The following CSMD1 variants were observed in gnomAD, a reference collection of about 807,000 sequenced individuals.
CSMD1 encodes CUB and Sushi multiple domains 1.
In CSMD1, 213 loss-of-function variants were observed where a neutral mutation model predicts 417.5. That is an observed-to-expected ratio of 0.51 (90% CI 0.46 to 0.57). The LOEUF (loss-of-function observed/expected upper bound fraction) is 0.57, where lower values mean the gene tolerates loss of function less well. CSMD1 is among the 20% of genes least tolerant of loss of function. The pLI, the probability that CSMD1 is intolerant of heterozygous loss-of-function variation, is 0.00. For missense variants in CSMD1, 6,923 were observed against 4,529.7 expected, an observed-to-expected ratio of 1.53 and a Z score of -15.17; for synonymous variants, 2,862 against 1,736.8, an observed-to-expected ratio of 1.65 and a Z score of -16.11.
intron 3 of CSMD1, among the ~76,000 whole-genome samples, chr8:4,074,565 G>C (rs926246246): frequency 6.6e-6 from 1 of 152,058 alleles, no homozygotes; most frequent in Non-Finnish European, 1.5e-5. Context: ...GGAAGTTAAA[G>C]GATCCGACAT....
chr8:3,979,605 T>C (rs538273734), intron 5 of CSMD1, among the ~76,000 whole-genome samples: 1 of 152,146 alleles, frequency 6.6e-6, no homozygotes, highest in East Asian at 1.9e-4. Context: ...GCCAACATGA[T>C]GAGATTATAA....
At chr8:4,299,308 G>A (rs572794306) in intron 3 of CSMD1, among the ~76,000 whole-genome samples, 2 of 152,104 alleles carry the variant, frequency 1.3e-5, no homozygotes, top group Non-Finnish European at 2.9e-5. Context: ...CACCCCCAGA[G>A]AACGCACTTT....
intron 6 of CSMD1, among the ~76,000 whole-genome samples, chr8:3,743,396 G>A (rs888292292): frequency 1.3e-5 from 2 of 152,204 alleles, no homozygotes; most frequent in African/African-American, 2.4e-5. Context: ...ACTGCATTGC[G>A]TGGAATAGTG....
At chr8:3,364,562 C>T (rs1809426505) in intron 20 of CSMD1, among the ~76,000 whole-genome samples, 1 of 152,090 alleles carries the variant, frequency 6.6e-6, no homozygotes, top group South Asian at 2.1e-4. Context: ...AGTGTGTTAC[C>T]CAAAATCCAT....
chr8:4,654,122 C>T (rs1037511863), intron 1 of CSMD1, among the ~76,000 whole-genome samples: 3 of 152,120 alleles, frequency 2.0e-5, no homozygotes, highest in African/African-American at 4.8e-5. Flanking sequence ...ATGTTACACT[C>T]CATGTATTTG....
At chr8:4,506,739 G>C (rs1409460706) in intron 2 of CSMD1, among the ~76,000 whole-genome samples, 1 of 152,090 alleles carries the variant, frequency 6.6e-6, no homozygotes, top group East Asian at 1.9e-4. Context: ...TGTTTCATCA[G>C]CTTATATATG....
chr8:4,474,917 A>G (rs373773837), intron 2 of CSMD1, among the ~76,000 whole-genome samples: 40 of 152,320 alleles, frequency 2.6e-4, no homozygotes, highest in African/African-American at 7.9e-4. Flanking sequence ...TACATATAAC[A>G]TACAAAATGT....
Position 3,288,019 on chromosome 8 carries a change from T to G in CSMD1, c.3951-3673A>C, listed in dbSNP as rs569834024. 1.2e-4 allele frequency among the ~76,000 whole-genome samples: 17 copies of G among 147,556 alleles called. 2 individuals are homozygous for G. The highest frequency in any genetic ancestry group is 3.4e-3 in the Middle Eastern group (1 of 292). Reference sequence around the variant, plus strand: ...TGAGAGTTTTTAGCATGAAAGGTTGTTGAATTTTGTCAAAGGCCTTTTCTG... The same window carrying G: ...TGAGAGTTTTTAGCATGAAAGGTTGGTGAATTTTGTCAAAGGCCTTTTCTG... On this transcript the variant is annotated intron_variant, in intron 25 of 69. Coordinates refer to ENST00000635120, the MANE Select transcript of CSMD1 (RefSeq NM_033225.6).
intron 2 of CSMD1, among the ~76,000 whole-genome samples, chr8:4,552,168 G>C (rs1234348959): frequency 6.6e-6 from 1 of 152,104 alleles, no homozygotes; most frequent in Admixed American, 6.6e-5. Flanking sequence ...AACATCATTT[G>C]TTTTTTAATC....
intron 10 of CSMD1, among the ~76,000 whole-genome samples, chr8:3,566,550 G>C (rs952928217): frequency 1.3e-5 from 2 of 151,214 alleles, no homozygotes; most frequent in Non-Finnish European, 2.9e-5. Flanking sequence ...TGTCCATAGA[G>C]GATGTGAAGG....
intron 5 of CSMD1, among the ~76,000 whole-genome samples, chr8:3,860,954 T>G (rs1804659836): frequency 6.6e-6 from 1 of 152,246 alleles, no homozygotes; most frequent in Non-Finnish European, 1.5e-5. Context: ...GTTGATATAC[T>G]TCATGCAAAA....
intron 25 of CSMD1, among the ~76,000 whole-genome samples, chr8:3,296,821 A>C (rs548788047): frequency 1.1e-3 from 168 of 152,268 alleles, no homozygotes; most frequent in African/African-American, 4.0e-3. Flanking sequence ...TGTTTATGGG[A>C]TGGGGAAAAT....
intron 5 of CSMD1, among the ~76,000 whole-genome samples, chr8:3,773,965 G>A (rs1798760078): frequency 6.6e-6 from 1 of 152,100 alleles, no homozygotes; most frequent in Non-Finnish European, 1.5e-5. Flanking sequence ...GCCTGTGCCT[G>A]GATTAACCCT....
At chr8:3,917,727 C>A (rs577211426) in intron 5 of CSMD1, among the ~76,000 whole-genome samples, 19 of 152,142 alleles carry the variant, frequency 1.2e-4, no homozygotes, top group African/African-American at 4.3e-4. Context: ...TCCAAGAAAC[C>A]GTCACCACTC....
chr8:3,314,432 G>A (rs138534058), intron 23 of CSMD1, among the ~76,000 whole-genome samples: 81 of 152,200 alleles, frequency 5.3e-4, no homozygotes, highest in African/African-American at 1.9e-3. Context: ...CTATCTTGAA[G>A]CCACTAGTCT....
intron 11 of CSMD1, among the ~76,000 whole-genome samples, chr8:3,480,928 G>A (rs996020749): frequency 6.6e-6 from 1 of 151,898 alleles, no homozygotes; most frequent in Non-Finnish European, 1.5e-5. Flanking sequence ...AGGCCGAGGT[G>A]AGCGGATCAC....
chr8:4,146,136 C>T (rs945987949), intron 3 of CSMD1, among the ~76,000 whole-genome samples: 3 of 147,856 alleles, frequency 2.0e-5, no homozygotes, highest in Non-Finnish European at 3.0e-5. Flanking sequence ...TCAGAGCCTA[C>T]ATATGATGGG....
At chr8:3,067,977 G>C (rs1036519161) in intron 49 of CSMD1, among the ~76,000 whole-genome samples, 1 of 152,100 alleles carries the variant, frequency 6.6e-6, no homozygotes, top group Non-Finnish European at 1.5e-5. Context: ...TCTGAAGTGT[G>C]TGTTCCTTCC....
intron 7 of CSMD1, among the ~76,000 whole-genome samples, chr8:3,688,287 T>C (rs1800049890): frequency 6.6e-6 from 1 of 152,218 alleles, no homozygotes; most frequent in African/African-American, 2.4e-5. Flanking sequence ...AAACGGACTA[T>C]AATAGAGGTG....
Sources: gnomAD v4.1 joint callset for allele counts (sites outside exome capture counted in the v4.1 genomes callset) on GRCh38, gnomAD v4.1.1 for gene constraint, MANE v1.5 for transcripts, NCBI Gene and HGNC (gene_info 2026-07-23, HGNC 2026-07-21) for gene names.